The following KCNQ5 variants were observed in gnomAD, a reference collection of about 807,000 sequenced individuals.
KCNQ5 encodes the protein potassium voltage-gated channel subfamily KQT member 5.
Under a neutral mutation model 98.2 loss-of-function variants are expected in KCNQ5, and 30 were observed. That is an observed-to-expected ratio of 0.31 (90% CI 0.23 to 0.41). The LOEUF is 0.41. Among genes scored for constraint, KCNQ5 ranks in the 10% least tolerant of loss-of-function variants. The probability of loss-of-function intolerance (pLI) is 1.00; values close to 1 mark genes in which losing one functional copy is unlikely to be tolerated. For missense variants in KCNQ5, 835 were observed against 1,182.5 expected, an observed-to-expected ratio of 0.71 and a Z score of 4.31; for synonymous variants, 458 against 449.4, an observed-to-expected ratio of 1.02 and a Z score of -0.24.
At chr6:72,649,472 A>T (rs941698657) in intron 1 of KCNQ5, among the ~76,000 whole-genome samples, 1 of 152,168 alleles carries the variant, frequency 6.6e-6, no homozygotes, top group African/African-American at 2.4e-5. Flanking sequence ...GAAAACACAC[A>T]GGACTCTGAA....
At chr6:72,715,192 G>A (rs4706510) in intron 1 of KCNQ5, among the ~76,000 whole-genome samples, 16 of 152,112 alleles carry the variant, frequency 1.1e-4, no homozygotes, top group South Asian at 2.1e-4. Flanking sequence ...TTATTTATCC[G>A]TAGCCTGGCC....
At chr6:73,167,248 G>C (rs548355340) in intron 10 of KCNQ5, among the ~76,000 whole-genome samples, 1 of 152,278 alleles carries the variant, frequency 6.6e-6, no homozygotes, top group African/African-American at 2.4e-5. Context: ...CATTCCAACT[G>C]GGGCAAATTT....
At chr6:72,926,953 A>T (rs1192932527) in intron 1 of KCNQ5, among the ~76,000 whole-genome samples, 2 of 152,152 alleles carry the variant, frequency 1.3e-5, no homozygotes, top group South Asian at 2.1e-4. Flanking sequence ...AAGAACAATG[A>T]TGTGCTCCAA....
At chr6:73,127,926 G>A (rs372012598) in intron 9 of KCNQ5, among the ~76,000 whole-genome samples, 27 of 152,100 alleles carry the variant, frequency 1.8e-4, no homozygotes, top group Admixed American at 8.5e-4. Flanking sequence ...TTAGTTGGGC[G>A]TGGTGCTGCA....
rs113169526 is a variant in KCNQ5, at chr6:73,143,705, G to A, written c.1468+10064G>A. 2.6e-3 allele frequency among the ~76,000 whole-genome samples: 391 copies of A among 152,234 alleles called. 5 individuals are homozygous for A. Among genetic ancestry groups the A allele is most frequent in the African/African-American group, 7.7e-3 (319 of 41,538 alleles). On this transcript the variant is annotated intron_variant, in intron 10 of 13. Coordinates refer to ENST00000370398, the MANE Select transcript of KCNQ5 (RefSeq NM_019842.4). Reference sequence around the variant, plus strand: ...CTAGCATGTTTCTGGGCATTTAGAAGGCAGGGAGGAGGCGTGACAACTGTC... The same window carrying A: ...CTAGCATGTTTCTGGGCATTTAGAAAGCAGGGAGGAGGCGTGACAACTGTC...
chr6:73,052,529 A>G (rs761645300), intron 3 of KCNQ5, among the ~76,000 whole-genome samples: 4 of 152,230 alleles, frequency 2.6e-5, no homozygotes, highest in Non-Finnish European at 5.9e-5. Flanking sequence ...CATCAGGCTA[A>G]CAGCACACCT....
intron 1 of KCNQ5, among the ~76,000 whole-genome samples, chr6:72,830,460 C>T (rs1776206532): frequency 6.6e-6 from 1 of 152,064 alleles, no homozygotes; most frequent in African/African-American, 2.4e-5. Flanking sequence ...CTTTGACAAA[C>T]CTGACAAAAA....
intron 10 of KCNQ5, among the ~76,000 whole-genome samples, chr6:73,160,171 G>C (rs1001330682): frequency 6.7e-6 from 1 of 149,448 alleles, no homozygotes; most frequent in Non-Finnish European, 1.5e-5. Context: ...CCACCACGAC[G>C]CCCGGCTGTT....
chr6:73,012,150 A>G (rs1316479639), intron 2 of KCNQ5, among the ~76,000 whole-genome samples: 1 of 152,154 alleles, frequency 6.6e-6, no homozygotes, highest in Non-Finnish European at 1.5e-5. Context: ...GCAAGGTCTC[A>G]AAGAGATGTG....
At chr6:72,861,151 G>A (rs926541845) in intron 1 of KCNQ5, among the ~76,000 whole-genome samples, 2 of 152,086 alleles carry the variant, frequency 1.3e-5, no homozygotes, top group African/African-American at 2.4e-5. Context: ...CTTCAAGGAC[G>A]TGATGAGAAT....
chr6:72,986,046 T>C (rs1768757812), intron 1 of KCNQ5, among the ~76,000 whole-genome samples: 1 of 151,964 alleles, frequency 6.6e-6, no homozygotes, highest in African/African-American at 2.4e-5. Flanking sequence ...CTGGCCAACA[T>C]GGTGAAAGCC....
intron 1 of KCNQ5, among the ~76,000 whole-genome samples, chr6:72,767,373 C>T (rs1024282304): frequency 6.6e-6 from 1 of 151,854 alleles, no homozygotes; most frequent in African/African-American, 2.4e-5. Context: ...AGAGCTGAAA[C>T]TGTAAAGCTC....
intron 1 of KCNQ5, among the ~76,000 whole-genome samples, chr6:72,670,357 C>T (rs1767037838): frequency 6.6e-6 from 1 of 152,194 alleles, no homozygotes; most frequent in Non-Finnish European, 1.5e-5. Context: ...GTTCATATTT[C>T]TACCTATGCT....
intron 2 of KCNQ5, among the ~76,000 whole-genome samples, chr6:73,022,303 G>T (rs906645843): frequency 4.6e-5 from 7 of 151,994 alleles, no homozygotes; most frequent in African/African-American, 7.2e-5. Context: ...TGATACTTTT[G>T]TTTTTCACTT....
intron 1 of KCNQ5, among the ~76,000 whole-genome samples, chr6:72,919,421 A>G (rs1010551279): frequency 7.2e-5 from 11 of 152,232 alleles, no homozygotes; most frequent in Non-Finnish European, 1.3e-4. Flanking sequence ...AGTGCTAACA[A>G]CAAATATGTC....
chr6:72,891,788 G>A (rs1779067797), intron 1 of KCNQ5, among the ~76,000 whole-genome samples: 1 of 152,110 alleles, frequency 6.6e-6, no homozygotes, highest in Non-Finnish European at 1.5e-5. Context: ...GCTATTATCA[G>A]GCAAGACTAT....
In KCNQ5 at chr6:73,077,904, A is replaced by AT. The variant is rs770161945; in HGVS notation, c.918+23dup. ...TGGGGCACAGTAAGTATAAAAATAC[A>AT]TTTTTTATTTATTGGATGTTGTGAA... On this transcript the variant is annotated intron_variant, in intron 5 of 13. Transcript: ENST00000370398. 5 of 1,564,268 alleles carry AT rather than the reference A, an allele frequency of 3.2e-6. No homozygotes were observed. The Admixed American group carries it at 7.9e-5, about 25-fold the overall frequency.
intron 1 of KCNQ5, among the ~76,000 whole-genome samples, chr6:72,915,949 C>T (rs1780118838): frequency 6.6e-6 from 1 of 152,162 alleles, no homozygotes; most frequent in Non-Finnish European, 1.5e-5. Flanking sequence ...CTCACCTAAA[C>T]TAGAATTTCT....
intron 1 of KCNQ5, among the ~76,000 whole-genome samples, chr6:72,659,030 G>A (rs540179678): frequency 3.9e-5 from 6 of 152,134 alleles, no homozygotes; most frequent in Admixed American, 2.6e-4. Context: ...GCAGTTAGGC[G>A]GATATTGTAA....
Sources: gnomAD v4.1 joint callset for allele counts (sites outside exome capture counted in the v4.1 genomes callset) on GRCh38, gnomAD v4.1.1 for gene constraint, MANE v1.5 for transcripts, NCBI Gene and HGNC (gene_info 2026-07-23, HGNC 2026-07-21) for gene names.